GPHN: variants seen among roughly 807,000 people sequenced by gnomAD.
GPHN encodes the protein gephyrin.
In GPHN, 17 loss-of-function variants were observed where a neutral mutation model predicts 95.5. The ratio of observed to expected loss-of-function variants is 0.18; its 90% CI spans 0.12 to 0.27. GPHN has a LOEUF of 0.27. Among genes scored for constraint, GPHN ranks in the 10% least tolerant of loss-of-function variants. GPHN has a pLI of 1.00. For missense variants in GPHN, 660 were observed against 978.1 expected, an observed-to-expected ratio of 0.67 and a Z score of 4.34; for synonymous variants, 320 against 322.5, an observed-to-expected ratio of 0.99 and a Z score of 0.08.
chr14:66,891,607 C>T (rs954131452), intron 5 of GPHN, among the ~76,000 whole-genome samples: 4 of 151,932 alleles, frequency 2.6e-5, no homozygotes, highest in Admixed American at 6.6e-5. Flanking sequence ...GATATGACAC[C>T]AAAAGCATAG....
the GPHN span, among the ~76,000 whole-genome samples, chr14:67,517,859 A>G: frequency 6.6e-6 from 1 of 152,184 alleles, no homozygotes; most frequent in Non-Finnish European, 1.5e-5. Flanking sequence ...TGCAGTTCAA[A>G]CTCAGGTCTT....
chr14:67,631,435 T>C, the GPHN span, among the ~76,000 whole-genome samples: 1 of 126,992 alleles, frequency 7.9e-6, no homozygotes, highest in Non-Finnish European at 1.6e-5. Flanking sequence ...TCTTTCTTTC[T>C]TTTTTTTTTT....
At chr14:66,668,919 C>T (rs1040042366) in intron 1 of GPHN, among the ~76,000 whole-genome samples, 1 of 148,650 alleles carries the variant, frequency 6.7e-6, no homozygotes, top group African/African-American at 2.5e-5. Context: ...GTCGCACTGT[C>T]GCCCAGGCTG....
intron 3 of GPHN, among the ~76,000 whole-genome samples, chr14:66,803,295 G>A (rs1311399231): frequency 6.6e-6 from 1 of 152,152 alleles, no homozygotes; most frequent in Non-Finnish European, 1.5e-5. Context: ...CCACTGCCAC[G>A]GGATAGGACA....
intron 5 of GPHN, among the ~76,000 whole-genome samples, chr14:66,883,101 CT>C (rs2064008865): frequency 6.6e-6 from 1 of 151,718 alleles, no homozygotes; most frequent in African/African-American, 2.4e-5. Context: ...AAATTTATGT[CT>C]TTAACCAAAT....
the GPHN span, chr14:67,691,944 T>C: frequency 6.5e-6 from 1 of 154,100 alleles, no homozygotes; most frequent in African/African-American, 2.4e-5. Context: ...GCTCGGGTTC[T>C]AATTTTTTGC....
At chr14:67,444,533 C>A in the GPHN span, among the ~76,000 whole-genome samples, 1 of 152,140 alleles carries the variant, frequency 6.6e-6, no homozygotes, top group Admixed American at 6.5e-5. Context: ...TCATAAGACC[C>A]TTGGAATTTC....
chr14:67,614,711 A>G, the GPHN span, among the ~76,000 whole-genome samples: 5,464 of 152,184 alleles, frequency 0.036, 256 homozygotes, highest in African/African-American at 0.11. Context: ...GCTGTGAGCT[A>G]TGATTGTGCC....
the GPHN span, chr14:67,656,421 T>G: frequency 6.2e-7 from 1 of 1,609,474 alleles, no homozygotes; most frequent in Non-Finnish European, 8.5e-7. Context: ...CTTACTCTAC[T>G]CTTGGTACGT....
At chr14:66,710,281 T>C (rs2069492917) in intron 2 of GPHN, among the ~76,000 whole-genome samples, 1 of 152,186 alleles carries the variant, frequency 6.6e-6, no homozygotes, top group Non-Finnish European at 1.5e-5. Context: ...TATCAATCAT[T>C]TGGTAATTTA....
the GPHN span, among the ~76,000 whole-genome samples, chr14:67,542,651 A>C: frequency 6.6e-6 from 1 of 152,178 alleles, no homozygotes; most frequent in South Asian, 2.1e-4. Flanking sequence ...CACCTTTCCT[A>C]ATGTTTCTGT....
chr14:67,328,152 C>T, the GPHN span, among the ~76,000 whole-genome samples: 7,418 of 152,094 alleles, frequency 0.049, 343 homozygotes, highest in African/African-American at 0.12. Context: ...CTGTTGTTTC[C>T]GACTTTTTAA....
At chr14:66,981,243 T>C (rs2153598583) in intron 9 of GPHN, among the ~76,000 whole-genome samples, 1 of 152,314 alleles carries the variant, frequency 6.6e-6, no homozygotes, top group South Asian at 2.1e-4. Flanking sequence ...CAATTATTTT[T>C]CCTTGACACA....
At chr14:67,127,651 A>G (rs1264513932) in intron 17 of GPHN, among the ~76,000 whole-genome samples, 2 of 152,244 alleles carry the variant, frequency 1.3e-5, no homozygotes, top group South Asian at 2.1e-4. Context: ...AGTATCAAGA[A>G]TATAGTAAGA....
chr14:67,194,061 G>C, the GPHN span, among the ~76,000 whole-genome samples: 2 of 151,250 alleles, frequency 1.3e-5, no homozygotes, highest in African/African-American at 4.9e-5. Context: ...ACTGTCTCCA[G>C]ATATTCATAG....
chr14:67,293,983 A>G, the GPHN span, among the ~76,000 whole-genome samples: 3 of 152,172 alleles, frequency 2.0e-5, no homozygotes, highest in Non-Finnish European at 4.4e-5. Context: ...AAAAGAAACA[A>G]CTTAGCTTAA....
At chr14:67,433,606 G>C in the GPHN span, among the ~76,000 whole-genome samples, 2 of 152,034 alleles carry the variant, frequency 1.3e-5, no homozygotes, top group Non-Finnish European at 2.9e-5. Context: ...AAAACTCATC[G>C]GGAGTATGAA....
chr14:67,179,873 G>A (rs1218848867), intron 22 of GPHN, among the ~76,000 whole-genome samples, 199 bp downstream of exon 22: 2 of 152,106 alleles, frequency 1.3e-5, no homozygotes, highest in Admixed American at 1.3e-4. Context: ...ATTTTATTGA[G>A]CCATATTTTC....
intron 4 of GPHN, among the ~76,000 whole-genome samples, chr14:66,859,010 C>G (rs949351431): frequency 6.6e-6 from 1 of 152,042 alleles, no homozygotes; most frequent in African/African-American, 2.4e-5. Flanking sequence ...AGGTAAATGT[C>G]TAAGGTTTTT....
Sources: allele counts gnomAD v4.1 joint callset (sites outside exome capture counted in the v4.1 genomes callset), GRCh38; gene constraint gnomAD v4.1.1; transcripts MANE v1.5; gene names NCBI Gene and HGNC (gene_info 2026-07-23, HGNC 2026-07-21).